Variants in PDXK observed in about 807,000 individuals in gnomAD.
PDXK encodes the protein epididymis secretory sperm binding protein Li 1a.
In PDXK, 15 loss-of-function variants were observed where a neutral mutation model predicts 43.2. The ratio of observed to expected loss-of-function variants is 0.35; its 90% confidence interval spans 0.23 to 0.53. The LOEUF (loss-of-function observed/expected upper bound fraction) is 0.53, where lower values mean the gene tolerates loss of function less well. PDXK is among the 20% of genes least tolerant of loss of function. The probability of loss-of-function intolerance (pLI) is 0.92; values close to 1 mark genes in which losing one functional copy is unlikely to be tolerated. For missense variants in PDXK, 343 were observed against 417.0 expected, an observed-to-expected ratio of 0.82 and a Z score of 1.54; for synonymous variants, 172 against 165.4, an observed-to-expected ratio of 1.04 and a Z score of -0.31.
chr21:43,732,411 G>T lies in PDXK; in HGVS notation c.88-1658G>T, dbSNP rs2083331363. The stretch of plus-strand genomic sequence containing the variant: ...ACTCTGGAAGCGTCCAGACCAGCTT[G>T]CGATGCTGATGAATAAGCTGATTTT... On this transcript the variant is annotated intron_variant, in intron 1 of 10. Transcript: ENST00000291565. This position sits in a 1 kb window ranked among gnomAD's most constrained non-coding sequence, Gnocchi z 4.1. The T allele has an allele frequency of 1.9e-6, 3 of 1,612,904 alleles. No individual in the cohort carries two copies. The East Asian group carries it at 6.7e-5, about 36-fold the overall frequency.
intron 1 of PDXK, among the ~76,000 whole-genome samples, chr21:43,726,457 T>C (rs894461408): frequency 1.3e-5 from 2 of 152,062 alleles, no homozygotes; most frequent in Admixed American, 6.5e-5. Context: ...TCTGTATTTT[T>C]AGTAGAGACA....
chr21:43,755,500 C>A (rs1568994893), intron 9 of PDXK, 198 bp from the exon 10 acceptor site: 1 of 597,400 alleles, frequency 1.7e-6, no homozygotes, highest in South Asian at 1.9e-5. Flanking sequence ...GGCATCTGCT[C>A]AGCCCTCCGG....
chr21:43,733,606 G>T, intron 1 of PDXK: 2 of 1,028,076 alleles, frequency 1.9e-6, no homozygotes, highest in African/African-American at 1.7e-5. Flanking sequence ...TGTGCTGCCC[G>T]CGGAGCCCTT....
chr21:43,732,477 G>A lies in PDXK; in HGVS notation c.88-1592G>A, dbSNP rs984295938. 3.2e-6 allele frequency: 5 copies of A among 1,577,846 alleles called. No individual in the cohort carries two copies. The highest frequency in any genetic ancestry group is 4.4e-6 in the Non-Finnish European group (5 of 1,148,086). Reference sequence around the variant, plus strand: ...ACGGAGATGCCAGCCCAGGGGCTCAGCTTGCTCGTGCTCTCATTTAAAAGC... The same window carrying A: ...ACGGAGATGCCAGCCCAGGGGCTCAACTTGCTCGTGCTCTCATTTAAAAGC... On this transcript the variant is annotated intron_variant, in intron 1 of 10. Coordinates refer to ENST00000291565, the MANE Select transcript of PDXK (RefSeq NM_003681.5). The surrounding 1 kb of genome is among the most constrained non-coding windows in gnomAD (Gnocchi z 4.1).
intron 1 of PDXK, chr21:43,719,756 G>A: frequency 1.0e-6 from 1 of 985,466 alleles, no homozygotes; most frequent in Non-Finnish European, 1.2e-6. Flanking sequence ...GCAGAGCCCC[G>A]AGGAGTCCCG....
In PDXK at chr21:43,743,754, T is replaced by C. The variant is rs2083588259; in HGVS notation, c.278T>C (p.Met93Thr). The change falls in exon 4 of 11, where the codon ATG becomes ACG. Residue 93 changes from methionine (M) to threonine (T), a missense_variant. Physicochemically the swap from Met to Thr is moderately conservative, Grantham distance 81 (BLOSUM62 -1). Coordinates refer to ENST00000291565, the MANE Select transcript of PDXK (RefSeq NM_003681.5). ...GYTRDKSFLA[M>T]VVDIVQELKQ... ...ACGAGGGACAAGTCGTTCCTGGCCA[T>C]GGTGGTGGACATTGTGCAGGAGCTG... is the stretch of plus-strand genomic sequence containing the variant. 1 of 1,613,506 alleles carries C rather than the reference T, an allele frequency of 6.2e-7. No homozygotes were observed. The highest frequency in any genetic ancestry group is 1.3e-5 in the African/African-American group (1 of 74,986).
intron 1 of PDXK, among the ~76,000 whole-genome samples, chr21:43,725,723 T>C (rs977972131): frequency 1.6e-4 from 24 of 151,634 alleles, no homozygotes; most frequent in African/African-American, 5.8e-4. Flanking sequence ...AGGAAGGAGA[T>C]TGCTTAAACC....
At chr21:43,755,070 C>T (rs1347323548) in intron 9 of PDXK, among the ~76,000 whole-genome samples, 2 of 152,212 alleles carry the variant, frequency 1.3e-5, no homozygotes, top group African/African-American at 2.4e-5. Flanking sequence ...GCTGGCACCC[C>T]GAGGAGGCCT....
chr21:43,750,927 T>C lies in PDXK; in HGVS notation c.510+382T>C, dbSNP rs576085684. On this transcript the variant is annotated intron_variant, in intron 7 of 10. Transcript: ENST00000291565. ...GTGTGCACGCATGTGTGCATGTGTGTGCGTATGTGTGCACGTGTTTGCACA... is the reference window on the plus strand; with the variant it reads ...GTGTGCACGCATGTGTGCATGTGTGCGCGTATGTGTGCACGTGTTTGCACA... 3.1e-4 allele frequency among the ~76,000 whole-genome samples: 47 copies of C among 149,692 alleles called. No individual in the cohort carries two copies. In the Middle Eastern group the frequency reaches 0.021, roughly 66 times the overall value.
intron 2 of PDXK, 143 bp from the exon 3 acceptor site, chr21:43,741,519 CCTAGT>C (rs2083528169): frequency 6.8e-7 from 1 of 1,468,478 alleles, no homozygotes; most frequent in Non-Finnish European, 9.0e-7. Context: ...AAGCACTGCG[CCTAGT>C]GATCTCCTTC....
rs547329499 is a variant in PDXK, at chr21:43,756,599, C to G, written c.*536C>G. On this transcript the variant is annotated 3_prime_UTR_variant, in exon 11 of 11. Transcript: ENST00000291565. ...AACTTTTGGTTCTTACTTTGCTGCT[C>G]GTTTAGTCCCTGGGGATTTCAGATC... 1 of 153,622 alleles carries G rather than the reference C, an allele frequency of 6.5e-6. No individual in the cohort carries two copies. The highest frequency in any genetic ancestry group is 2.4e-5 in the African/African-American group (1 of 41,576). 9.5% of individuals were successfully genotyped at this position (153,622 alleles called of 1,614,324 possible).
At chr21:43,739,869 A>G (rs1263461860) in intron 2 of PDXK, among the ~76,000 whole-genome samples, 1 of 151,700 alleles carries the variant, frequency 6.6e-6, no homozygotes, top group East Asian at 1.9e-4. Flanking sequence ...AGGAGGGACC[A>G]TTGCTCACCT....
At chr21:43,729,597 C>T (rs1406938803) in intron 1 of PDXK, among the ~76,000 whole-genome samples, 1 of 152,014 alleles carries the variant, frequency 6.6e-6, no homozygotes, top group African/African-American at 2.4e-5. Context: ...TAGAGGGGTA[C>T]GTCTGGAGGT....
intron 1 of PDXK, among the ~76,000 whole-genome samples, chr21:43,725,601 G>C (rs1476131029): frequency 6.6e-6 from 1 of 152,104 alleles, no homozygotes; most frequent in Non-Finnish European, 1.5e-5. Context: ...CCTGAGGTCA[G>C]GAGTTCGAGA....
chr21:43,745,103 G>A (rs1175094352), intron 4 of PDXK, among the ~76,000 whole-genome samples: 1 of 152,168 alleles, frequency 6.6e-6, no homozygotes, highest in Admixed American at 6.6e-5. Context: ...TCGCGGCTGG[G>A]AAAGGCCAGT....
At chr21:43,746,150 TAA>T in intron 5 of PDXK, 25 bp downstream of exon 5, 1 of 1,595,218 alleles carries the variant, frequency 6.3e-7, no homozygotes, top group Admixed American at 1.7e-5. Context: ...GTGTGTGATT[TAA>T]AAGTGTGGTG....
At position 43,757,378 on chromosome 21, in the gene PDXK, G is replaced by A. The variant is rs2083867861; in HGVS notation, c.*1315G>A. On this transcript the variant is annotated 3_prime_UTR_variant, in exon 11 of 11. Coordinates refer to ENST00000291565, the MANE Select transcript of PDXK (RefSeq NM_003681.5). ...AGGTTTGTGTCTCCAGGGAACCCAC[G>A]GCTGGAGAGAAATAGGGAGATGCAG... 1 of 152,266 alleles carries A rather than the reference G, an allele frequency of 6.6e-6. No individual in the cohort carries two copies. The highest frequency in any genetic ancestry group is 1.5e-5 in the Non-Finnish European group (1 of 68,080). The allele number at this position is 152,266 out of a possible 1,614,324, so 9.4% of individuals were successfully genotyped here.
chr21:43,725,809 C>T (rs1318985484), intron 1 of PDXK, among the ~76,000 whole-genome samples: 1 of 149,498 alleles, frequency 6.7e-6, no homozygotes, highest in Admixed American at 6.6e-5. Context: ...GACTCAGGCT[C>T]AAAACAAAAA....
rs73373291 is a variant in PDXK at position 43,734,468 on chromosome 21, C to T, written c.142+345C>T. On this transcript the variant is annotated intron_variant, in intron 2 of 10. Coordinates refer to ENST00000291565, the MANE Select transcript of PDXK (RefSeq NM_003681.5). The surrounding 1 kb of genome is among the most constrained non-coding windows in gnomAD (Gnocchi z 5.0). ...GCCGTGAGGTTGCCAGAGTTGATTA[C>T]GTCACTTGCATAAAATGCTTGGACC... 9.0e-3 allele frequency among the ~76,000 whole-genome samples: 1,365 copies of T among 152,316 alleles called. 23 individuals carry two copies. Among genetic ancestry groups the T allele is most frequent in the African/African-American group, 0.031 (1,288 of 41,564 alleles).
Sources: allele counts gnomAD v4.1 joint callset (sites outside exome capture counted in the v4.1 genomes callset), GRCh38; gene constraint gnomAD v4.1.1; non-coding constraint Gnocchi (gnomAD v3.1); transcripts MANE v1.5; gene names NCBI Gene and HGNC (gene_info 2026-07-23, HGNC 2026-07-21).